The following NEO1 variants were observed in gnomAD, a reference collection of about 807,000 sequenced individuals.
NEO1 encodes neogenin.
Under a neutral mutation model 159.7 loss-of-function variants are expected in NEO1, and 63 were observed. That is an observed-to-expected ratio of 0.39 (90% CI 0.32 to 0.49). The LOEUF (loss-of-function observed/expected upper bound fraction) is 0.49. NEO1 is among the 20% of genes least tolerant of loss of function. The pLI is 0.85. For synonymous variants in NEO1, 633 were observed against 662.0 expected, an observed-to-expected ratio of 0.96 and a Z score of 0.67; for missense variants, 1,615 against 1,831.0, an observed-to-expected ratio of 0.88 and a Z score of 2.15.
chr15:73,258,781 C>T lies in NEO1; in HGVS notation c.2108C>T (p.Thr703Ile). The T allele has an allele frequency of 6.2e-7, 1 of 1,613,794 alleles. No homozygotes were observed. The highest frequency in any genetic ancestry group is 8.5e-7 in the Non-Finnish European group (1 of 1,179,778). ...SQLIEGLDRGTEYNFRVAALT... is the reference protein window; with the variant it reads ...SQLIEGLDRGIEYNFRVAALT... The stretch of plus-strand genomic sequence containing the variant: ...TTGGTCTCAGGTCTTGATCGGGGGA[C>T]TGAGTATAATTTCCGAGTGGCTGCT... Residue 703 changes from threonine (T) to isoleucine (I), a missense_variant, in exon 14 of 29, where the codon ACT (threonine) becomes ATT (isoleucine). Thr to Ile is a moderately conservative substitution (Grantham distance 89, BLOSUM62 -1). Coordinates refer to ENST00000261908, the MANE Select transcript of NEO1 (RefSeq NM_002499.4).
intron 1 of NEO1, among the ~76,000 whole-genome samples, chr15:73,055,971 T>G (rs2151208381): frequency 6.6e-6 from 1 of 152,332 alleles, no homozygotes; most frequent in South Asian, 2.1e-4. Flanking sequence ...AGTGGCTCCA[T>G]AATTAATCTC....
rs2040571878 is a variant in NEO1, at chr15:73,260,469, T to C, written c.2398+4T>C. 2 of 1,579,976 alleles carry C rather than the reference T, an allele frequency of 1.3e-6. No individual in the cohort carries two copies. The highest frequency in any genetic ancestry group is 1.7e-5 in the Admixed American group (1 of 58,878). On this transcript the variant is annotated splice_donor_region_variant and intron_variant, in intron 15 of 28. Transcript: ENST00000261908. ...TATTACACCATTGAAAATCTGGGTATGTTTGCTAAGTAGAGAAAGTTAATT... is the reference window on the plus strand; with the variant it reads ...TATTACACCATTGAAAATCTGGGTACGTTTGCTAAGTAGAGAAAGTTAATT...
chr15:73,111,875 TC>T (rs1293928087), intron 1 of NEO1, among the ~76,000 whole-genome samples: 10 of 152,144 alleles, frequency 6.6e-5, no homozygotes, highest in African/African-American at 2.2e-4. Flanking sequence ...GCTCAAGCAA[TC>T]CGCCTGCCTT....
chr15:73,221,372 C>T (rs2038250051), intron 7 of NEO1, among the ~76,000 whole-genome samples: 1 of 152,238 alleles, frequency 6.6e-6, no homozygotes, highest in Non-Finnish European at 1.5e-5. Flanking sequence ...GCTCAGGGGT[C>T]AGGGGTCAGG....
At chr15:73,172,445 C>T (rs367932105) in intron 5 of NEO1, among the ~76,000 whole-genome samples, 51 of 152,236 alleles carry the variant, frequency 3.4e-4, no homozygotes, top group East Asian at 1.9e-3. Flanking sequence ...CAAAGATATA[C>T]GTTAAAGTTA....
intron 19 of NEO1, among the ~76,000 whole-genome samples, 181 bp downstream of exon 19, chr15:73,272,743 C>T (rs1005600350): frequency 2.0e-5 from 3 of 152,038 alleles, no homozygotes; most frequent in Non-Finnish European, 4.4e-5. Context: ...TCGCCCATAG[C>T]GGCATAAAAT....
At chr15:73,272,688 G>A in intron 19 of NEO1, 126 bp downstream of exon 19, 4 of 692,978 alleles carry the variant, frequency 5.8e-6, no homozygotes, top group Non-Finnish European at 1.0e-5. Context: ...TTATGGTAAG[G>A]TGTGAGTCAT....
chr15:73,093,676 T>C (rs927456758), intron 1 of NEO1, among the ~76,000 whole-genome samples: 2 of 151,654 alleles, frequency 1.3e-5, no homozygotes, highest in African/African-American at 4.8e-5. Flanking sequence ...CAGGCTCAGG[T>C]GATCCTCCCA....
In NEO1 at chr15:73,081,776, A is replaced by G. The variant is rs576562811; in HGVS notation, c.130+28971A>G. 2.6e-5 allele frequency among the ~76,000 whole-genome samples: 4 copies of G among 151,504 alleles called. No individual in the cohort carries two copies. In the South Asian group the frequency reaches 6.3e-4, roughly 24 times the overall value. On this transcript the variant is annotated intron_variant, in intron 1 of 28. Coordinates refer to ENST00000261908, the MANE Select transcript of NEO1 (RefSeq NM_002499.4). ...GTTTTTGTAGAGATAGGGTCTCACT[A>G]TGTTGCCCAGGCTGGTCTTGAGCTC...
In NEO1 at chr15:73,176,416, C is replaced by A; in HGVS notation, c.1029C>A (p.Phe343Leu). 6.5e-7 allele frequency: 1 copy of A among 1,547,242 alleles called. No individual in the cohort carries two copies. Among genetic ancestry groups the A allele is most frequent in the Non-Finnish European group, 8.7e-7 (1 of 1,145,398 alleles). The change falls in exon 6 of 29, where the codon TTC becomes TTA. Residue 343 changes from phenylalanine to leucine, a missense_variant. Around this residue, in one of 3 missense-constraint regions of NEO1, gnomAD observed 1,018 missense variants for 1,115.4 expected, o/e 0.91. Transcript: ENST00000261908. ...AELTVQAQPE[F>L]LKQPTNIYAH... is the part of the protein sequence containing the mutation. ...TTTATTTTAAAGCTCAACCTGAATT[C>A]CTGAAGCAGCCTACTAATATATATG...
In NEO1 at chr15:73,067,595, G is replaced by A. The variant is rs1053236632; in HGVS notation, c.130+14790G>A. 1.6e-4 allele frequency among the ~76,000 whole-genome samples: 24 copies of A among 149,570 alleles called. 1 individual carries two copies. The highest frequency in any genetic ancestry group is 2.1e-4 in the Non-Finnish European group (14 of 67,564). ...CTCCTGAGTAGCTGGGACTGCAGGC[G>A]CCTGCCACCACGCCCAGCTAATTTT... On this transcript the variant is annotated intron_variant, in intron 1 of 28. Coordinates refer to ENST00000261908, the MANE Select transcript of NEO1 (RefSeq NM_002499.4).
chr15:73,135,758 G>A (rs2031678993), intron 4 of NEO1, 133 bp from the exon 5 acceptor site: 1 of 769,828 alleles, frequency 1.3e-6, no homozygotes. Flanking sequence ...TTTTATATTA[G>A]TCTTGGTTCA....
At chr15:73,294,323 A>C (rs1357971245) in intron 26 of NEO1, among the ~76,000 whole-genome samples, 1 of 152,214 alleles carries the variant, frequency 6.6e-6, no homozygotes, top group African/African-American at 2.4e-5. Flanking sequence ...TTAAACGGCA[A>C]GCCTAGTAAC....
chr15:73,132,954 A>G (rs553348084), intron 4 of NEO1, among the ~76,000 whole-genome samples: 137 of 152,326 alleles, frequency 9.0e-4, no homozygotes, highest in African/African-American at 3.1e-3. Flanking sequence ...TAGTACAACC[A>G]CTATGGAAAA....
At chr15:73,217,443 G>C (rs1347762115) in intron 7 of NEO1, among the ~76,000 whole-genome samples, 1 of 151,216 alleles carries the variant, frequency 6.6e-6, no homozygotes, top group Non-Finnish European at 1.5e-5. Context: ...GAACTTTAAA[G>C]TAGTTTTTTC....
intron 1 of NEO1, among the ~76,000 whole-genome samples, chr15:73,101,691 G>A (rs1033388959): frequency 3.3e-5 from 5 of 152,124 alleles, no homozygotes; most frequent in Non-Finnish European, 1.5e-5. Context: ...GAAAAGCATT[G>A]TCTCATCGAT....
Position 73,293,433 on chromosome 15 carries a change from C to G in NEO1, c.3786C>G (p.His1262Gln). 1 of 1,614,202 alleles carries G rather than the reference C, an allele frequency of 6.2e-7. No homozygotes were observed. Among genetic ancestry groups the G allele is most frequent in the Non-Finnish European group, 8.5e-7 (1 of 1,180,036 alleles). The change falls in exon 26 of 29, where the codon CAC becomes CAG. Residue 1262 changes from histidine (H) to glutamine (Q), a missense_variant. Physicochemically the swap from His to Gln is conservative, Grantham distance 24 (BLOSUM62 0). Coordinates refer to ENST00000261908, the MANE Select transcript of NEO1 (RefSeq NM_002499.4). ...AHPIHSLDNP[H>Q]HHFHSSSLAS... ...CCATCCATTCCCTCGATAACCCTCA[C>G]CATCATTTCCACTCCAGCAGCCTCG...
At chr15:73,151,336 G>T (rs1000350076) in intron 5 of NEO1, among the ~76,000 whole-genome samples, 3 of 152,068 alleles carry the variant, frequency 2.0e-5, no homozygotes, top group African/African-American at 7.2e-5. Context: ...AAAGTGTTCT[G>T]TCAGGAAACT....
rs1212512797 is a variant in NEO1, at chr15:73,244,977, A to AC, written c.1606+479_1606+480insC. ...CTCAAAAAAAAAAAAAAAAAAAAAA[A>AC]AAAAAACAACAGCAAATAGTATAAG... On this transcript the variant is annotated intron_variant, in intron 9 of 28. Transcript: ENST00000261908. Among the ~76,000 whole-genome samples the AC allele has an allele frequency of 1.5e-3, 169 of 112,044 alleles. 13 individuals carry two copies. Among genetic ancestry groups the AC allele is most frequent in the Middle Eastern group, 4.8e-3 (1 of 210 alleles). 73.5% of individuals were successfully genotyped at this position (112,044 alleles called of 152,430 possible). A position where few individuals can be genotyped will look rare whatever the true frequency, so the allele number is the denominator to read the frequency against.
Sources: gnomAD v4.1 joint callset for allele counts (sites outside exome capture counted in the v4.1 genomes callset) on GRCh38, gnomAD v4.1.1 for gene constraint, gnomAD v4.1.1 regional missense constraint, MANE v1.5 for transcripts, NCBI Gene and HGNC (gene_info 2026-07-23, HGNC 2026-07-21) for gene names.